Variants in SAP130 observed in about 807,000 individuals in gnomAD.
SAP130 encodes the protein Sin3A associated protein 130.
SAP130 carries 16 observed loss-of-function variants against 103.2 expected under a neutral mutation model. The ratio of observed to expected loss-of-function variants is 0.16; its 90% CI spans 0.10 to 0.24. The LOEUF is 0.24. Ranked by LOEUF, SAP130 falls within the 10% of genes least tolerant of loss-of-function variation. The pLI is 1.00. For missense variants in SAP130, 990 were observed against 1,359.7 expected (o/e 0.73, Z 4.28); for synonymous variants, 477 against 497.0 (o/e 0.96, Z 0.53).
rs1336925990 is a variant in SAP130 at position 127,996,410 on chromosome 2, G to A, written c.1295C>T (p.Pro432Leu). Residue 432 changes from proline (P) to leucine (L), a missense_variant, in exon 11 of 21, where the codon CCC (proline) becomes CTC (leucine). Physicochemically the swap from Pro to Leu is moderately conservative, Grantham distance 98. Around this residue, in one of 6 missense-constraint regions of SAP130, gnomAD observed 336 missense variants for 520.1 expected, o/e 0.65. Coordinates refer to ENST00000643581, the MANE Select transcript of SAP130 (RefSeq NM_001330301.2). This position sits in a 1 kb window ranked among gnomAD's most constrained non-coding sequence, Gnocchi z 4.3. ...GGGAGAGGCCCGATGTCCGGAGATG[G>A]GAATCAGGCTACTCCTCTCGGCAGG... The part of the protein sequence containing the change: ...DYPAERSSLI[P>L]ISGHRASPNP... The A allele has an allele frequency of 6.2e-7, 1 of 1,610,540 alleles. No individual in the cohort carries two copies. Among genetic ancestry groups the A allele is most frequent in the Non-Finnish European group, 8.5e-7 (1 of 1,178,524 alleles).
intron 7 of SAP130, among the ~76,000 whole-genome samples, chr2:128,003,585 T>G (rs931475647): frequency 6.6e-6 from 1 of 151,452 alleles, no homozygotes; most frequent in Non-Finnish European, 1.5e-5. Context: ...AGACGTTGTC[T>G]CAAAAACAAA....
intron 12 of SAP130, among the ~76,000 whole-genome samples, chr2:127,990,523 A>G (rs1268239448): frequency 2.0e-5 from 3 of 152,210 alleles, no homozygotes; most frequent in Non-Finnish European, 4.4e-5. Flanking sequence ...AATATCTTAC[A>G]CTTATAAGCT....
At chr2:127,993,039 A>T in intron 12 of SAP130, 148 bp downstream of exon 12, 1 of 1,021,576 alleles carries the variant, frequency 9.8e-7, no homozygotes, top group Non-Finnish European at 1.5e-6. Context: ...ATGATTATTT[A>T]AGACCTTCAA....
At chr2:127,997,193 G>A (rs1683235998) in intron 10 of SAP130, among the ~76,000 whole-genome samples, 1 of 152,090 alleles carries the variant, frequency 6.6e-6, no homozygotes, top group African/African-American at 2.4e-5. Context: ...TCAATCTGAG[G>A]CTCCAAATGT....
chr2:127,970,977 T>C (rs2104873317), intron 15 of SAP130, among the ~76,000 whole-genome samples: 1 of 151,582 alleles, frequency 6.6e-6, no homozygotes, highest in South Asian at 2.1e-4. Flanking sequence ...TTTAGACAGG[T>C]TCTTATTCTG....
chr2:127,962,096 C>T (rs967926640), intron 15 of SAP130, among the ~76,000 whole-genome samples: 3 of 152,128 alleles, frequency 2.0e-5, no homozygotes, highest in Non-Finnish European at 2.9e-5. Context: ...GTAAGTATTG[C>T]GAAGTTGCCT....
chr2:127,964,494 C>CAAAAAAAAAAAAAA (rs55755397), intron 15 of SAP130, among the ~76,000 whole-genome samples: 2 of 69,910 alleles, frequency 2.9e-5, no homozygotes, highest in African/African-American at 1.2e-4. Context: ...AACTCCATCT[C>CAAAAAAAAAAAAAA]AAAAAAAAAA....
chr2:127,991,206 C>T (rs1281921251), intron 12 of SAP130, among the ~76,000 whole-genome samples: 1 of 151,690 alleles, frequency 6.6e-6, no homozygotes, highest in Non-Finnish European at 1.5e-5. Flanking sequence ...GCCAAGATCA[C>T]ACTACTACAC....
intron 5 of SAP130, among the ~76,000 whole-genome samples, chr2:128,013,831 A>C (rs901310642): frequency 2.0e-5 from 3 of 152,240 alleles, no homozygotes; most frequent in Non-Finnish European, 4.4e-5. Context: ...TCAGGAGGCT[A>C]AAGTGGGAAG....
chr2:127,973,072 T>TA (rs1347565840), intron 15 of SAP130, among the ~76,000 whole-genome samples: 1 of 152,214 alleles, frequency 6.6e-6, no homozygotes, highest in East Asian at 1.9e-4. Context: ...TCCTGACCTC[T>TA]AAAGATGCTA....
intron 12 of SAP130, among the ~76,000 whole-genome samples, chr2:127,990,963 G>GA (rs1682753942): frequency 7.2e-6 from 1 of 137,968 alleles, no homozygotes; most frequent in Non-Finnish European, 1.6e-5. Context: ...AAAAGTAAAA[G>GA]AAACAGGCCA....
intron 19 of SAP130, 81 bp downstream of exon 19, chr2:127,945,375 T>TA: frequency 1.2e-6 from 1 of 844,330 alleles, no homozygotes; most frequent in East Asian, 2.5e-5. Flanking sequence ...GAGTTACTTT[T>TA]AAAAAGTTCT....
rs369226954 is a variant in SAP130, at chr2:127,966,495, G to C, written c.2064-11151C>G. ...AGGCGGGCAGATCATCTGAGGTCAGGAGTTCGAGACAAGCCTGGCCAACAT... is the reference window on the plus strand; with the variant it reads ...AGGCGGGCAGATCATCTGAGGTCAGCAGTTCGAGACAAGCCTGGCCAACAT... On this transcript the variant is annotated intron_variant, in intron 15 of 20. Transcript: ENST00000643581. 3.2e-4 allele frequency among the ~76,000 whole-genome samples: 49 copies of C among 151,836 alleles called. No individual in the cohort carries two copies. The South Asian group carries it at 6.0e-3, about 19-fold the overall frequency.
intron 14 of SAP130, among the ~76,000 whole-genome samples, chr2:127,983,829 T>TG (rs1682153036): frequency 1.7e-5 from 2 of 121,134 alleles, no homozygotes; most frequent in South Asian, 3.5e-4. Flanking sequence ...TGTTGTTTTT[T>TG]TTTTTTTTTT....
chr2:128,010,461 G>A, intron 6 of SAP130, 68 bp from the exon 7 acceptor site: 3 of 1,449,826 alleles, frequency 2.1e-6, no homozygotes. Context: ...TACTAAATGT[G>A]TAATTTGAAA....
chr2:127,981,221 G>C (rs1474306471), intron 14 of SAP130, among the ~76,000 whole-genome samples: 1 of 151,358 alleles, frequency 6.6e-6, no homozygotes, highest in Non-Finnish European at 1.5e-5. Context: ...TGTTCACCTC[G>C]CACAACAAAG....
intron 2 of SAP130, among the ~76,000 whole-genome samples, chr2:128,021,618 A>G (rs1685170513): frequency 6.6e-6 from 1 of 152,194 alleles, no homozygotes; most frequent in Non-Finnish European, 1.5e-5. Context: ...GGTTTACAAG[A>G]AAAGTTCAAT....
intron 4 of SAP130, among the ~76,000 whole-genome samples, 173 bp from the exon 5 acceptor site, chr2:128,015,087 G>A (rs1684677140): frequency 6.6e-6 from 1 of 152,152 alleles, no homozygotes; most frequent in South Asian, 2.1e-4. Flanking sequence ...ACCGTACAAT[G>A]AACTGTGCTA....
At chr2:127,973,615 A>T (rs1015794859) in intron 15 of SAP130, among the ~76,000 whole-genome samples, 5 of 152,186 alleles carry the variant, frequency 3.3e-5, no homozygotes, top group Non-Finnish European at 7.3e-5. Context: ...CAAAAGTAAA[A>T]CGACTGAAAC....
Sources: gnomAD v4.1 joint callset for allele counts (sites outside exome capture counted in the v4.1 genomes callset) on GRCh38, gnomAD v4.1.1 for gene constraint, gnomAD v4.1.1 regional missense constraint, Gnocchi (gnomAD v3.1) non-coding constraint, MANE v1.5 for transcripts, NCBI Gene and HGNC (gene_info 2026-07-23, HGNC 2026-07-21) for gene names.